Variants in FXYD4 observed in about 807,000 individuals in gnomAD.
FXYD4 encodes the protein FXYD domain-containing ion transport regulator 4.
A neutral mutation model predicts 18.3 loss-of-function variants in FXYD4; 14 were observed. The observed-to-expected ratio is 0.77, with a 90% CI of 0.51 to 1.20. The LOEUF is 1.20. FXYD4 is among the 50% of genes most tolerant of loss of function. FXYD4 has a pLI of 0.00. For synonymous variants in FXYD4, 40 were observed against 40.5 expected (o/e 0.99, Z 0.04); for missense variants, 99 against 106.1 (o/e 0.93, Z 0.29).
At chr10:43,374,192 C>T (rs1203693331) in intron 3 of FXYD4, among the ~76,000 whole-genome samples, 2 of 151,838 alleles carry the variant, frequency 1.3e-5, no homozygotes, top group Admixed American at 6.6e-5. Context: ...AGAGAGGTTC[C>T]GACTCATAAA....
chr10:43,373,717 C>G lies in FXYD4; in HGVS notation c.-30C>G. On this transcript the variant is annotated 5_prime_UTR_variant, in exon 3 of 9. Transcript: ENST00000476166. ...GCAGACCCCCGCCCCAGTGCCTCTCCCCCTGCAGCCCTGCCCCTCGAACTG... is the reference window on the plus strand; with the variant it reads ...GCAGACCCCCGCCCCAGTGCCTCTCGCCCTGCAGCCCTGCCCCTCGAACTG... The G allele has an allele frequency of 6.6e-7, 1 of 1,513,638 alleles. No homozygotes were observed. The highest frequency in any genetic ancestry group is 9.2e-7 in the Non-Finnish European group (1 of 1,088,410). 93.8% of individuals were successfully genotyped at this position (1,513,638 alleles called of 1,614,324 possible). A position where few individuals can be genotyped will look rare whatever the true frequency, so the allele number is the denominator to read the frequency against.
chr10:43,372,365 A>G (rs1837817567), intron 1 of FXYD4, among the ~76,000 whole-genome samples: 1 of 152,004 alleles, frequency 6.6e-6, no homozygotes, highest in Non-Finnish European at 1.5e-5. Flanking sequence ...GCTCACTGCA[A>G]CCTCCACCTT....
At chr10:43,372,995 G>A (rs1220733958) in intron 2 of FXYD4, among the ~76,000 whole-genome samples, 1 of 152,184 alleles carries the variant, frequency 6.6e-6, no homozygotes. Flanking sequence ...CAACCTGAGG[G>A]GGAAATGTCA....
At chr10:43,373,880 A>G in intron 3 of FXYD4, 97 bp downstream of exon 3, 1 of 832,112 alleles carries the variant, frequency 1.2e-6, no homozygotes, top group South Asian at 1.3e-5. Context: ...CTGGTGTTCA[A>G]TCAGCATGCT....
chr10:43,375,605 A>G (rs1564389190), intron 6 of FXYD4, 32 bp downstream of exon 6: 6 of 1,604,386 alleles, frequency 3.7e-6, no homozygotes, highest in South Asian at 1.1e-5. Context: ...GCTGGAGGAC[A>G]GGGTGGGGCT....
rs1358421372 is a variant in FXYD4, at chr10:43,376,125, G to T, written c.251-22G>T. ...GTCTGTGTAAGGACTGTGTCTGATG[G>T]CCTGCCCGCCACTCTCCGCAGGCTC... On this transcript the variant is annotated intron_variant, in intron 8 of 8. Transcript: ENST00000476166. 2.5e-6 allele frequency: 4 copies of T among 1,613,368 alleles called. No homozygotes were observed. In the African/African-American group the frequency reaches 4.0e-5, roughly 16 times the overall value.
chr10:43,373,837 C>CTTG, intron 3 of FXYD4, 54 bp downstream of exon 3: 2 of 1,178,210 alleles, frequency 1.7e-6, no homozygotes, highest in South Asian at 2.4e-5. Flanking sequence ...CCCACAAAGG[C>CTTG]AGCAAAAGCC....
At chr10:43,372,177 G>A (rs1465759066) in intron 1 of FXYD4, among the ~76,000 whole-genome samples, 1 of 152,120 alleles carries the variant, frequency 6.6e-6, no homozygotes, top group Non-Finnish European at 1.5e-5. Flanking sequence ...AGCCAGCTTT[G>A]GAGACTGCTC....
chr10:43,375,791 C>T, intron 7 of FXYD4, 57 bp downstream of exon 7: 1 of 1,557,444 alleles, frequency 6.4e-7, no homozygotes, highest in Non-Finnish European at 8.9e-7. Flanking sequence ...GGGGGACAGT[C>T]CTGACCTGGA....
Position 43,373,523 on chromosome 10 carries a change from C to A in FXYD4, c.-224C>A. On this transcript the variant is annotated 5_prime_UTR_variant, in exon 3 of 9. Coordinates refer to ENST00000476166, the MANE Select transcript of FXYD4 (RefSeq NM_173160.3). ...CCACACAACTCCCCCAGGCCACCAC[C>A]ATCTCTAGATGGGAAGACAGAAAGT... 1 of 583,312 alleles carries A rather than the reference C, an allele frequency of 1.7e-6. No homozygotes were observed. The highest frequency in any genetic ancestry group is 3.1e-6 in the Non-Finnish European group (1 of 325,178). 36.1% of individuals were successfully genotyped at this position (583,312 alleles called of 1,614,324 possible).
Position 43,376,234 on chromosome 10 carries a change from G to GGAGGT in FXYD4, c.*69_*70insAGGTG. On this transcript the variant is annotated 3_prime_UTR_variant, in exon 9 of 9. Coordinates refer to ENST00000476166, the MANE Select transcript of FXYD4 (RefSeq NM_173160.3). ...GCCCCCAGCACCTCCTCCCCTGGGA[G>GGAGGT]GCCTTATCCTCAAGGAAGGACTTCT... 2 of 1,562,348 alleles carry GGAGGT rather than the reference G, an allele frequency of 1.3e-6. No individual in the cohort carries two copies. Among genetic ancestry groups the GGAGGT allele is most frequent in the Non-Finnish European group, 8.8e-7 (1 of 1,135,450 alleles).
intron 5 of FXYD4, 139 bp downstream of exon 5, chr10:43,374,778 G>C: frequency 1.3e-6 from 1 of 779,584 alleles, no homozygotes. Context: ...TGAGAGCGTC[G>C]CTCCAACAAG....
chr10:43,376,235 G>T lies in FXYD4; in HGVS notation c.*69G>T. The T allele has an allele frequency of 2.6e-6, 4 of 1,558,524 alleles. No individual in the cohort carries two copies. The highest frequency in any genetic ancestry group is 3.5e-6 in the Non-Finnish European group (4 of 1,132,110). ...CCCCCAGCACCTCCTCCCCTGGGAG[G>T]CCTTATCCTCAAGGAAGGACTTCTC... On this transcript the variant is annotated 3_prime_UTR_variant, in exon 9 of 9. Coordinates refer to ENST00000476166, the MANE Select transcript of FXYD4 (RefSeq NM_173160.3).
chr10:43,373,072 C>T (rs753846270), intron 2 of FXYD4, among the ~76,000 whole-genome samples: 2 of 152,086 alleles, frequency 1.3e-5, no homozygotes, highest in African/African-American at 2.4e-5. Context: ...CCTGCCAGGG[C>T]TGGCAGGGGA....
rs775399584 is a variant in FXYD4 at position 43,375,677 on chromosome 10, C to T, written c.173-18C>T. 2.5e-6 allele frequency: 4 copies of T among 1,613,694 alleles called. No homozygotes were observed. Among genetic ancestry groups the T allele is most frequent in the Non-Finnish European group, 3.4e-6 (4 of 1,179,728 alleles). On this transcript the variant is annotated intron_variant, in intron 6 of 8. Coordinates refer to ENST00000476166, the MANE Select transcript of FXYD4 (RefSeq NM_173160.3). ...ATTCCAGCACTGACCCTGGCGCTGA[C>T]CCCTCTCTCTCTCCCAGGTGGCAAA...
chr10:43,372,926 G>T (rs915417690), intron 2 of FXYD4, among the ~76,000 whole-genome samples, 154 bp downstream of exon 2: 7 of 152,092 alleles, frequency 4.6e-5, no homozygotes, highest in Non-Finnish European at 7.4e-5. Context: ...GCTGGGAGGG[G>T]GCCTGCGCTC....
Position 43,375,518 on chromosome 10 carries a change from G to T in FXYD4, c.117G>T (p.Leu39=). 6.2e-7 allele frequency: 1 copy of T among 1,613,976 alleles called. No individual in the cohort carries two copies. Among genetic ancestry groups the T allele is most frequent in the Non-Finnish European group, 8.5e-7 (1 of 1,179,896 alleles). ...CCCCAGACTGGAAAAACCTGCAGCTGAGCGGACTGATCTGCGGAGGGCTCC... is the reference window on the plus strand; with the variant it reads ...CCCCAGACTGGAAAAACCTGCAGCTTAGCGGACTGATCTGCGGAGGGCTCC... ...PFYYDWKNLQ[L]SGLICGGLLA... The change falls in exon 6 of 9, where the codon CTG becomes CTT. Residue 39 remains leucine (L), a synonymous_variant. Coordinates refer to ENST00000476166, the MANE Select transcript of FXYD4 (RefSeq NM_173160.3).
chr10:43,376,321 C>T lies in FXYD4; in HGVS notation c.*155C>T, dbSNP rs546066088. On this transcript the variant is annotated 3_prime_UTR_variant, in exon 9 of 9. Coordinates refer to ENST00000476166, the MANE Select transcript of FXYD4 (RefSeq NM_173160.3). ...GAGGCTTCTTTATGAATTAAACTCG[C>T]CCCACCACCCCCTCCTCGGTAGTCT... is the stretch of plus-strand genomic sequence containing the variant. The T allele has an allele frequency of 7.7e-5, 55 of 712,506 alleles. No individual in the cohort carries two copies. In the African/African-American group the frequency reaches 8.6e-4, roughly 11 times the overall value. 44.1% of individuals were successfully genotyped at this position (712,506 alleles called of 1,614,324 possible).
intron 3 of FXYD4, among the ~76,000 whole-genome samples, chr10:43,374,011 C>T (rs888968779): frequency 2.0e-5 from 3 of 152,206 alleles, no homozygotes; most frequent in African/African-American, 7.2e-5. Context: ...CATTAACCAC[C>T]TGTGGCTTGA....
Sources: gnomAD v4.1 joint callset for allele counts (sites outside exome capture counted in the v4.1 genomes callset) on GRCh38, gnomAD v4.1.1 for gene constraint, MANE v1.5 for transcripts, NCBI Gene and HGNC (gene_info 2026-07-23, HGNC 2026-07-21) for gene names.